The following SLC9C1 variants were observed in gnomAD, a reference collection of about 807,000 sequenced individuals.
SLC9C1 encodes solute carrier family 9 member C1, also known as sodium/hydrogen exchanger 10.
SLC9C1 carries 97 observed loss-of-function variants against 140.9 expected under a neutral mutation model. That is an observed-to-expected ratio of 0.69 (90% CI 0.58 to 0.82). SLC9C1 has a LOEUF of 0.82. Among genes scored for constraint, SLC9C1 ranks in the 40% least tolerant of loss-of-function variants. The pLI, the probability that SLC9C1 is intolerant of heterozygous loss-of-function variation, is 0.00. For missense variants in SLC9C1, 1,340 were observed against 1,389.3 expected, an observed-to-expected ratio of 0.96 and a Z score of 0.56; for synonymous variants, 440 against 442.6, an observed-to-expected ratio of 0.99 and a Z score of 0.07.
At chr3:112,176,422 A>T (rs1230804130) in intron 23 of SLC9C1, among the ~76,000 whole-genome samples, 1 of 152,214 alleles carries the variant, frequency 6.6e-6, no homozygotes, top group Non-Finnish European at 1.5e-5. Flanking sequence ...GGCACACACC[A>T]GCTGCTTCTA....
chr3:112,169,372 A>G (rs774982831), intron 23 of SLC9C1, 44 bp from the exon 24 acceptor site: 7 of 1,575,880 alleles, frequency 4.4e-6, no homozygotes, highest in South Asian at 2.3e-5. Flanking sequence ...TTTGTGCACT[A>G]TGGTTTAAGG....
At chr3:112,220,997 C>T (rs1257224093) in intron 14 of SLC9C1, 131 bp downstream of exon 14, 7 of 648,828 alleles carry the variant, frequency 1.1e-5, no homozygotes, top group Non-Finnish European at 1.3e-5. Context: ...GACAGCTCTG[C>T]TGTAATACTA....
intron 7 of SLC9C1, among the ~76,000 whole-genome samples, chr3:112,267,501 G>A (rs1159407389): frequency 9.3e-5 from 13 of 139,306 alleles, no homozygotes; most frequent in Non-Finnish European, 1.2e-4. Context: ...GCGAGAACCC[G>A]AAAGGTGGAG....
intron 17 of SLC9C1, among the ~76,000 whole-genome samples, chr3:112,203,137 C>T (rs1338117301): frequency 5.3e-5 from 8 of 151,906 alleles, no homozygotes; most frequent in South Asian, 2.1e-4. Context: ...CTAGATTACT[C>T]GTGATTTTTC....
chr3:112,294,036 A>T (rs2080765987), intron 1 of SLC9C1, 57 bp downstream of exon 1: 1 of 152,244 alleles, frequency 6.6e-6, no homozygotes. Context: ...TGAGAGAGAA[A>T]GTACCAGTAG....
chr3:112,258,650 G>T (rs936024923), intron 10 of SLC9C1, among the ~76,000 whole-genome samples: 1 of 152,072 alleles, frequency 6.6e-6, no homozygotes, highest in Non-Finnish European at 1.5e-5. Flanking sequence ...AGTAGAGACA[G>T]GGTTTCATCA....
chr3:112,269,975 C>A lies in SLC9C1; in HGVS notation c.716G>T (p.Gly239Val). 1.2e-6 allele frequency: 2 copies of A among 1,600,272 alleles called. No individual in the cohort carries two copies. The highest frequency in any genetic ancestry group is 1.1e-5 in the South Asian group (1 of 88,084). Reference protein sequence around the residue: ...LIQFWMSTVFGDDVNHISLIF... With the variant: ...LIQFWMSTVFVDDVNHISLIF... ...GAGACTTATATGATTGACATCATCA[C>A]CAAAAACAGTTGACATCCAAAATTG... The change falls in exon 7 of 29, where the codon GGT becomes GTT. Residue 239 changes from glycine (G) to valine (V), a missense_variant. Physicochemically the swap from Gly to Val is moderately radical, Grantham distance 109 (BLOSUM62 -3). Transcript: ENST00000305815.
intron 9 of SLC9C1, among the ~76,000 whole-genome samples, chr3:112,263,781 A>G (rs2079841837): frequency 6.6e-6 from 1 of 151,882 alleles, no homozygotes; most frequent in Admixed American, 6.6e-5. Context: ...AAAAGAAACT[A>G]CAAAAATGAT....
At chr3:112,261,636 T>C (rs1406470644) in intron 10 of SLC9C1, among the ~76,000 whole-genome samples, 8 of 152,226 alleles carry the variant, frequency 5.3e-5, no homozygotes, top group African/African-American at 1.9e-4. Flanking sequence ...TTCTACTTTC[T>C]TCTCAAGGAG....
intron 15 of SLC9C1, among the ~76,000 whole-genome samples, chr3:112,209,532 A>G (rs539455997): frequency 2.6e-5 from 4 of 152,334 alleles, no homozygotes; most frequent in South Asian, 4.1e-4. Context: ...AGAAATTCCA[A>G]TTGAAAAGGA....
chr3:112,257,842 A>G (rs2079652502), intron 10 of SLC9C1, among the ~76,000 whole-genome samples: 1 of 152,214 alleles, frequency 6.6e-6, no homozygotes, highest in Non-Finnish European at 1.5e-5. Context: ...AGGAACTTAA[A>G]CAAATTTACA....
At chr3:112,224,491 C>T (rs1370134617) in intron 13 of SLC9C1, among the ~76,000 whole-genome samples, 1 of 152,018 alleles carries the variant, frequency 6.6e-6, no homozygotes, top group Non-Finnish European at 1.5e-5. Flanking sequence ...AATGTAGAAA[C>T]TCCCTGAAAA....
At chr3:112,227,114 A>T (rs1466359681) in intron 13 of SLC9C1, among the ~76,000 whole-genome samples, 2 of 152,160 alleles carry the variant, frequency 1.3e-5, no homozygotes, top group Non-Finnish European at 1.5e-5. Context: ...AAACCTACTG[A>T]GATTGAGCCA....
At chr3:112,151,166 A>T (rs1161694673) in intron 28 of SLC9C1, among the ~76,000 whole-genome samples, 1 of 152,094 alleles carries the variant, frequency 6.6e-6, no homozygotes. Flanking sequence ...ATGGAGATAA[A>T]CCTATTTATC....
intron 7 of SLC9C1, among the ~76,000 whole-genome samples, chr3:112,269,172 C>T (rs1051589838): frequency 9.9e-5 from 15 of 152,128 alleles, no homozygotes; most frequent in Non-Finnish European, 1.5e-5. Context: ...GGCTGGAGTG[C>T]GATCATAGCT....
chr3:112,278,435 A>G (rs948504879), intron 4 of SLC9C1, among the ~76,000 whole-genome samples: 2 of 152,178 alleles, frequency 1.3e-5, no homozygotes, highest in African/African-American at 4.8e-5. Context: ...GAGCTAATAC[A>G]CTTTCTCATA....
intron 1 of SLC9C1, among the ~76,000 whole-genome samples, chr3:112,287,807 G>A (rs1391848775): frequency 2.0e-5 from 3 of 152,092 alleles, no homozygotes; most frequent in Admixed American, 1.3e-4. Context: ...CAATACTTTG[G>A]GAGGCCGAGG....
At chr3:112,253,657 A>G (rs2079525913) in intron 10 of SLC9C1, among the ~76,000 whole-genome samples, 2 of 152,236 alleles carry the variant, frequency 1.3e-5, no homozygotes, top group African/African-American at 4.8e-5. Context: ...CTAAAGGGAC[A>G]CCCAAACACA....
At chr3:112,275,609 A>G (rs1454445668) in intron 5 of SLC9C1, among the ~76,000 whole-genome samples, 1 of 152,180 alleles carries the variant, frequency 6.6e-6, no homozygotes, top group African/African-American at 2.4e-5. Flanking sequence ...TTAAATGTGC[A>G]TGTAGTGGTA....
Sources: gnomAD v4.1 joint callset for allele counts (sites outside exome capture counted in the v4.1 genomes callset) on GRCh38, gnomAD v4.1.1 for gene constraint, MANE v1.5 for transcripts, NCBI Gene and HGNC (gene_info 2026-07-23, HGNC 2026-07-21) for gene names.